The following SMURF1 variants were observed in gnomAD, a reference collection of about 807,000 sequenced individuals.
SMURF1 encodes E3 ubiquitin-protein ligase SMURF1.
SMURF1 carries 44 observed loss-of-function variants against 98.0 expected under a neutral mutation model. The ratio of observed to expected loss-of-function variants is 0.45; its 90% CI spans 0.35 to 0.58. The LOEUF (loss-of-function observed/expected upper bound fraction) is 0.58. Among genes scored for constraint, SMURF1 ranks in the 20% least tolerant of loss-of-function variants. SMURF1 has a pLI of 0.00. For missense variants in SMURF1, 687 were observed against 938.4 expected (o/e 0.73, Z 3.50); for synonymous variants, 396 against 374.9 (o/e 1.06, Z -0.65).
At chr7:99,036,978 C>T in intron 15 of SMURF1, 89 bp downstream of exon 15, 1 of 1,571,270 alleles carries the variant, frequency 6.4e-7, no homozygotes, top group East Asian at 2.2e-5. Context: ...TAGAAAGCGG[C>T]ACACACTGCC....
intron 1 of SMURF1, among the ~76,000 whole-genome samples, chr7:99,119,353 C>G (rs1042883613): frequency 3.2e-4 from 48 of 152,048 alleles, no homozygotes; most frequent in Middle Eastern, 3.4e-3. Flanking sequence ...TATATATCAC[C>G]TTCCCTCCCC....
At chr7:99,049,906 C>T (rs991454686) in intron 8 of SMURF1, 197 bp from the exon 9 acceptor site, 23 of 482,342 alleles carry the variant, frequency 4.8e-5, no homozygotes, top group South Asian at 9.3e-5. Context: ...CAGCAACATC[C>T]GAGAGATTTA....
intron 14 of SMURF1, among the ~76,000 whole-genome samples, 163 bp from the exon 15 acceptor site, chr7:99,037,350 G>C (rs1360643489): frequency 6.6e-6 from 1 of 152,016 alleles, no homozygotes; most frequent in African/African-American, 2.4e-5. Flanking sequence ...CAATTCTTCT[G>C]CCTCACCCTC....
At chr7:99,040,311 GCGCATA>G in intron 13 of SMURF1, 61 bp downstream of exon 13, 2 of 1,373,774 alleles carry the variant, frequency 1.5e-6, no homozygotes, top group Non-Finnish European at 1.9e-6. Context: ...GCGCGCGCAC[GCGCATA>G]CATACGATAG....
intron 5 of SMURF1, among the ~76,000 whole-genome samples, chr7:99,055,585 C>T (rs1439828809): frequency 6.6e-6 from 1 of 152,172 alleles, no homozygotes; most frequent in Non-Finnish European, 1.5e-5. Context: ...AATCCTCCCA[C>T]CTCAGCCTCA....
intron 7 of SMURF1, 121 bp from the exon 8 acceptor site, chr7:99,051,562 C>A: frequency 1.3e-6 from 1 of 766,534 alleles, no homozygotes; most frequent in East Asian, 2.6e-5. Flanking sequence ...CCTCTTATCC[C>A]AGTTCTTCTC....
chr7:99,110,556 C>T (rs956925047), intron 1 of SMURF1, among the ~76,000 whole-genome samples: 4 of 152,236 alleles, frequency 2.6e-5, no homozygotes, highest in African/African-American at 9.6e-5. Context: ...CATCTCTCAC[C>T]TATCAGACTG....
chr7:99,059,928 T>C (rs994293829), intron 3 of SMURF1, among the ~76,000 whole-genome samples: 1 of 149,830 alleles, frequency 6.7e-6, no homozygotes, highest in Non-Finnish European at 1.5e-5. Flanking sequence ...AAAAAATGCA[T>C]TTTTTAGGTA....
Position 99,033,060 on chromosome 7 carries a change from G to T in SMURF1, c.2073C>A (p.Asp691Glu). The part of the protein sequence containing the change: ...FTIHLIDANT[D>E]NLPKAHTCFN... ...ACCAGGTATGGGCCTTCGGAAGGTT[G>T]TCTGTGTTCGCGTCTATCAGGTGGA... Residue 691 changes from aspartate to glutamate, a missense_variant, in exon 17 of 18, where the codon GAC (aspartate) becomes GAA (glutamate). Physicochemically the swap from Asp to Glu is conservative, Grantham distance 45 (BLOSUM62 2). Around this residue, in one of 2 missense-constraint regions of SMURF1, gnomAD observed 272 missense variants for 430.0 expected, o/e 0.63. Coordinates refer to ENST00000361368, the MANE Select transcript of SMURF1 (RefSeq NM_181349.3). 6.3e-7 allele frequency: 1 copy of T among 1,594,452 alleles called. No homozygotes were observed. The highest frequency in any genetic ancestry group is 1.1e-5 in the South Asian group (1 of 88,766).
intron 1 of SMURF1, among the ~76,000 whole-genome samples, chr7:99,116,821 C>G (rs1035903177): frequency 6.6e-6 from 1 of 152,120 alleles, no homozygotes; most frequent in African/African-American, 2.4e-5. Flanking sequence ...GCCCCAAGTG[C>G]CTTTTTTATA....
At chr7:99,085,024 G>A (rs1455023301) in intron 1 of SMURF1, among the ~76,000 whole-genome samples, 1 of 152,064 alleles carries the variant, frequency 6.6e-6, no homozygotes, top group South Asian at 2.1e-4. Context: ...TGTAAGACGT[G>A]CCTGCTTCCC....
chr7:99,102,749 C>T (rs1185793374), intron 1 of SMURF1, among the ~76,000 whole-genome samples: 4 of 152,126 alleles, frequency 2.6e-5, no homozygotes, highest in African/African-American at 9.7e-5. Context: ...AAAGCATCAA[C>T]ATTATTTGAT....
At chr7:99,052,121 A>C in intron 7 of SMURF1, 84 bp downstream of exon 7, 1 of 1,465,286 alleles carries the variant, frequency 6.8e-7, no homozygotes, top group Non-Finnish European at 9.0e-7. Flanking sequence ...GGTGACAGCA[A>C]GACCTTGTCT....
At chr7:99,055,499 A>T (rs1192655384) in intron 5 of SMURF1, among the ~76,000 whole-genome samples, 1 of 150,404 alleles carries the variant, frequency 6.6e-6, no homozygotes, top group Non-Finnish European at 1.5e-5. Context: ...AAAAATAATA[A>T]AAATAAGAAG....
intron 1 of SMURF1, among the ~76,000 whole-genome samples, chr7:99,066,515 G>T (rs4620213): frequency 0.41 from 61,992 of 152,082 alleles, 15,468 homozygotes; most frequent in Non-Finnish European, 0.54. Context: ...AATGGCTCAT[G>T]CCTGTAATCC....
rs995768394 is a variant in SMURF1, at chr7:99,142,559, G to C, written c.55+1167C>G. 2.0e-5 allele frequency among the ~76,000 whole-genome samples: 3 copies of C among 150,178 alleles called. No individual in the cohort carries two copies. The Admixed American group carries it at 2.0e-4, about 10-fold the overall frequency. On this transcript the variant is annotated intron_variant, in intron 1 of 17. Transcript: ENST00000361368. Reference sequence around the variant, plus strand: ...GGAGGCCTCGCCAGACAGCAGCGAGGGGGCGGGGCTAGGCAGGAATGAGGG... The same window carrying C: ...GGAGGCCTCGCCAGACAGCAGCGAGCGGGCGGGGCTAGGCAGGAATGAGGG...
chr7:99,079,046 A>G (rs1222568435), intron 1 of SMURF1, among the ~76,000 whole-genome samples: 1 of 152,188 alleles, frequency 6.6e-6, no homozygotes, highest in African/African-American at 2.4e-5. Context: ...TTCGCTATTG[A>G]CAGATGACAC....
Position 99,123,146 on chromosome 7 carries a change from AAT to A in SMURF1, c.55+20578_55+20579del, listed in dbSNP as rs1270590871. On this transcript the variant is annotated intron_variant, in intron 1 of 17. Transcript: ENST00000361368. ...AAAACTGCAAGAGTGACCTTTCAAA[AAT>A]ATATATGCAATACATAATAATAAGG... Among the ~76,000 whole-genome samples the A allele has an allele frequency of 5.9e-5, 9 of 152,252 alleles. No homozygotes were observed. In the East Asian group the frequency reaches 1.5e-3, roughly 26 times the overall value.
At chr7:99,088,657 A>G (rs780421223) in intron 1 of SMURF1, among the ~76,000 whole-genome samples, 11 of 152,170 alleles carry the variant, frequency 7.2e-5, no homozygotes, top group Non-Finnish European at 1.5e-4. Context: ...AATTCACAGA[A>G]ATAGAATAGT....
Sources: allele counts gnomAD v4.1 joint callset (sites outside exome capture counted in the v4.1 genomes callset), GRCh38; gene constraint gnomAD v4.1.1; regional missense constraint gnomAD v4.1.1; transcripts MANE v1.5; gene names NCBI Gene and HGNC (gene_info 2026-07-23, HGNC 2026-07-21).